BCL7C: variants seen among roughly 807,000 people sequenced by gnomAD.
BCL7C encodes BAF chromatin remodeling complex subunit BCL7C, also known as B-cell CLL/lymphoma 7 protein family member C.
A neutral mutation model predicts 26.2 loss-of-function variants in BCL7C; 8 were observed. The ratio of observed to expected loss-of-function variants is 0.30; its 90% CI spans 0.18 to 0.55. The LOEUF (loss-of-function observed/expected upper bound fraction) is 0.55. Among genes scored for constraint, BCL7C ranks in the 20% least tolerant of loss-of-function variants. The pLI, the probability that BCL7C is intolerant of heterozygous loss-of-function variation, is 0.93. For missense variants in BCL7C, 262 were observed against 298.5 expected (o/e 0.88, Z 0.90); for synonymous variants, 90 against 116.5 (o/e 0.77, Z 1.47).
chr16:30,874,788 A>G (rs576870490), intron 5 of BCL7C, among the ~76,000 whole-genome samples: 45 of 152,196 alleles, frequency 3.0e-4, no homozygotes, highest in Admixed American at 1.0e-3. Context: ...ATCACCCCAG[A>G]CTGTTTTTCT....
chr16:30,882,338 T>G (rs886651031), intron 5 of BCL7C, among the ~76,000 whole-genome samples: 3 of 152,008 alleles, frequency 2.0e-5, no homozygotes, highest in Non-Finnish European at 4.4e-5. Flanking sequence ...TTGCTATGAA[T>G]AAAGGGAATC....
intron 5 of BCL7C, among the ~76,000 whole-genome samples, chr16:30,861,473 G>A (rs529091713): frequency 1.4e-4 from 22 of 152,276 alleles, no homozygotes; most frequent in Non-Finnish European, 2.6e-4. Context: ...AATGCCCACA[G>A]CCCGGGATTC....
rs4046092 is a variant in BCL7C at position 30,865,890 on chromosome 16, ATT to A, written c.528+22968_528+22969del. Among the ~76,000 whole-genome samples the A allele has an allele frequency of 4.0e-3, 550 of 137,054 alleles. 2 individuals carry two copies. Among genetic ancestry groups the A allele is most frequent in the African/African-American group, 0.011 (418 of 36,752 alleles). 89.9% of individuals were successfully genotyped at this position (137,054 alleles called of 152,430 possible). ...TACAGGCGCCCGCCACAGTGCCCTAATTTTTTTTTTTTTTTTGTATTTTTAGT... is the reference window on the plus strand; with the variant it reads ...TACAGGCGCCCGCCACAGTGCCCTAATTTTTTTTTTTTTTGTATTTTTAGT... On this transcript the variant is annotated intron_variant, in intron 5 of 5. Transcript: ENST00000380317.
intron 5 of BCL7C, among the ~76,000 whole-genome samples, chr16:30,869,509 CTTTT>C (rs66513735): frequency 2.2e-5 from 3 of 135,368 alleles, no homozygotes; most frequent in African/African-American, 2.8e-5. Context: ...CTGGCTCTTT[CTTTT>C]TTTTTTTTTT....
chr16:30,856,818 C>T (rs1339736693), intron 5 of BCL7C, among the ~76,000 whole-genome samples: 1 of 152,190 alleles, frequency 6.6e-6, no homozygotes, highest in Non-Finnish European at 1.5e-5. Flanking sequence ...AGCGTAGGGA[C>T]TTCTCAGGTC....
downstream of BCL7C, among the ~76,000 whole-genome samples, chr16:30,884,434 TTTA>T (rs2055095511): frequency 6.6e-6 from 1 of 151,944 alleles, no homozygotes; most frequent in African/African-American, 2.4e-5. Context: ...TGTGGCCTAA[TTTA>T]ACTCTCAGAA....
chr16:30,841,636 C>A (rs1230593424), intron 5 of BCL7C, among the ~76,000 whole-genome samples: 1 of 152,044 alleles, frequency 6.6e-6, no homozygotes, highest in Non-Finnish European at 1.5e-5. Flanking sequence ...TCTCTTTTAC[C>A]AATAAATACA....
intron 2 of BCL7C, 21 bp from the exon 3 acceptor site, chr16:30,892,969 G>A (rs1439141227): frequency 6.2e-7 from 1 of 1,600,328 alleles, no homozygotes; most frequent in African/African-American, 1.3e-5. Context: ...GAGGATTAGG[G>A]TCAGAGCTCT....
intron 5 of BCL7C, among the ~76,000 whole-genome samples, chr16:30,841,795 G>A (rs6420448): frequency 0.98 from 149,034 of 151,786 alleles, 73,213 homozygotes; most frequent in Middle Eastern, 1. Context: ...CTCTACTAAA[G>A]ATACAAAAAA....
Position 30,893,975 on chromosome 16 carries a change from G to A in BCL7C, c.-31C>T, listed in dbSNP as rs748294959. 1.9e-5 allele frequency: 23 copies of A among 1,214,998 alleles called. No individual in the cohort carries two copies. Among genetic ancestry groups the A allele is most frequent in the Non-Finnish European group, 2.3e-5 (22 of 961,540 alleles). 75.3% of individuals were successfully genotyped at this position (1,214,998 alleles called of 1,614,324 possible). A position where few individuals can be genotyped will look rare whatever the true frequency, so the allele number is the denominator to read the frequency against. On this transcript the variant is annotated 5_prime_UTR_variant, in exon 1 of 6. Coordinates refer to ENST00000215115, the MANE Select transcript of BCL7C (RefSeq NM_004765.4). This position sits in a 1 kb window ranked among gnomAD's most constrained non-coding sequence, Gnocchi z 5.2. ...CGGGGCTGGGGCCGGGGCCGAGCCC[G>A]CGGCGGGGCCGCCTCCCGTCCGGCG... is the stretch of plus-strand genomic sequence containing the variant.
chr16:30,887,275 C>T (rs532836163), downstream of BCL7C, among the ~76,000 whole-genome samples: 1 of 151,778 alleles, frequency 6.6e-6, no homozygotes, highest in Admixed American at 6.6e-5. Context: ...CGCCATTGCA[C>T]TCCAGCCTGG....
intron 5 of BCL7C, among the ~76,000 whole-genome samples, chr16:30,873,653 C>A (rs955286792): frequency 1.3e-5 from 2 of 151,720 alleles, no homozygotes; most frequent in African/African-American, 4.8e-5. Context: ...GAGTTCCAGA[C>A]CAGCCTGGGC....
chr16:30,850,905 A>G (rs2054669659), intron 5 of BCL7C, among the ~76,000 whole-genome samples: 1 of 152,234 alleles, frequency 6.6e-6, no homozygotes, highest in African/African-American at 2.4e-5. Context: ...GCAGTAATAA[A>G]TTAATTTTAG....
Position 30,893,223 on chromosome 16 carries a change from G to T in BCL7C, c.160C>A (p.Pro54Thr). The T allele has an allele frequency of 1.2e-6, 2 of 1,613,456 alleles. No individual in the cohort carries two copies. Among genetic ancestry groups the T allele is most frequent in the South Asian group, 1.1e-5 (1 of 91,048 alleles). Residue 54 changes from proline to threonine, a missense_variant, in exon 2 of 6, where the codon CCC (proline) becomes ACC (threonine). Pro to Thr is a conservative substitution (Grantham distance 38, BLOSUM62 -1). Transcript: ENST00000215115. The surrounding 1 kb of genome is among the most constrained non-coding windows in gnomAD (Gnocchi z 5.2). ...RIFKWVPVVD[P>T]QEEERRRAGG... The stretch of plus-strand genomic sequence containing the variant: ...TGGGGGTTGCTCACCTCCTCCTGGG[G>T]ATCCACCACTGGCACCCACTTGAAG...
chr16:30,835,038 A>T (rs1314232632), exon 6 of BCL7C: 1 of 1,549,078 alleles, frequency 6.5e-7, no homozygotes, highest in Admixed American at 2.0e-5. Context: ...CCGCCATGGA[A>T]CTGGGCCGGA....
At chr16:30,891,968 AGGG>A (rs990290861) in intron 4 of BCL7C, among the ~76,000 whole-genome samples, 2 of 120,014 alleles carry the variant, frequency 1.7e-5, no homozygotes, top group Non-Finnish European at 3.5e-5. Context: ...TCTAAAAAAA[AGGG>A]GGGGGAGGGC....
intron 5 of BCL7C, among the ~76,000 whole-genome samples, chr16:30,870,432 A>G (rs1479404850): frequency 6.6e-6 from 1 of 152,164 alleles, no homozygotes; most frequent in Non-Finnish European, 1.5e-5. Flanking sequence ...TTCTCGGCCA[A>G]GGTGGGAGGA....
At chr16:30,841,472 T>G (rs1435056078) in intron 5 of BCL7C, among the ~76,000 whole-genome samples, 2 of 152,196 alleles carry the variant, frequency 1.3e-5, no homozygotes, top group Non-Finnish European at 2.9e-5. Context: ...GCCAAAAGGT[T>G]TGCTGAGGGC....
At chr16:30,873,744 G>A (rs912095877) in intron 5 of BCL7C, among the ~76,000 whole-genome samples, 2 of 150,648 alleles carry the variant, frequency 1.3e-5, no homozygotes, top group Non-Finnish European at 3.0e-5. Flanking sequence ...CCAGCTACTC[G>A]GGAGGCTGAG....
Sources: allele counts gnomAD v4.1 joint callset (sites outside exome capture counted in the v4.1 genomes callset), GRCh38; gene constraint gnomAD v4.1.1; non-coding constraint Gnocchi (gnomAD v3.1); transcripts MANE v1.5; gene names NCBI Gene and HGNC (gene_info 2026-07-23, HGNC 2026-07-21).